The following SPRY3 variants were observed in gnomAD, a reference collection of about 807,000 sequenced individuals.
SPRY3 encodes sprouty RTK signaling antagonist 3.
A neutral mutation model predicts 20.2 loss-of-function variants in SPRY3; 15 were observed. That is an observed-to-expected ratio of 0.74 (90% CI 0.50 to 1.14). SPRY3 has a LOEUF of 1.14. Ranked by LOEUF, SPRY3 falls within the 50% of genes most tolerant of loss-of-function variation. The pLI, the probability that SPRY3 is intolerant of heterozygous loss-of-function variation, is 0.00. For synonymous variants in SPRY3, 143 were observed against 136.5 expected (o/e 1.05, Z -0.33); for missense variants, 364 against 363.9 (o/e 1.00, Z 0.00).
rs1167838667 is a variant in SPRY3, at chrX:155,691,620, G to A, written c.-282+34595G>A. Among the ~76,000 whole-genome samples, 3 of 87,867 alleles carry A rather than the reference G, an allele frequency of 3.4e-5. 1 individual carries two copies. The highest frequency in any genetic ancestry group is 1.6e-4 in the African/African-American group (3 of 18,346). The allele number at this position is 87,867 out of a possible 115,157, so 76.3% of individuals were successfully genotyped here. A position where few individuals can be genotyped will look rare whatever the true frequency, so the allele number is the denominator to read the frequency against. On this transcript the variant is annotated intron_variant, in intron 2 of 3. Coordinates refer to ENST00000675360, the Ensembl canonical transcript of SPRY3. ...AAAATTAAAAGAGTGCTGGCAGTGA[G>A]CTGCACTTTTTTTTCTAAATGGAAA... is the stretch of plus-strand genomic sequence containing the variant.
chrX:155,717,671 C>T (rs975908618), intron 2 of SPRY3, among the ~76,000 whole-genome samples: 2 of 151,794 alleles, frequency 1.3e-5, no homozygotes, highest in African/African-American at 4.8e-5. Flanking sequence ...GTTTTCTGTT[C>T]CTGTGTCAGT....
intron 2 of SPRY3, among the ~76,000 whole-genome samples, chrX:155,698,451 G>C (rs1296159867): frequency 9.0e-6 from 1 of 111,507 alleles, no homozygotes; most frequent in African/African-American, 3.3e-5. Context: ...TTCATCTTCA[G>C]GCTAACCCTG....
At position 155,673,678 on chromosome X, in the gene SPRY3, T is replaced by C. The variant is rs782052840; in HGVS notation, c.-282+16653T>C. On this transcript the variant is annotated intron_variant, in intron 2 of 3. Coordinates refer to ENST00000675360, the Ensembl canonical transcript of SPRY3. ...CTTGCTTGGGCACCTCCTTGGAATTTTTCTATTTAGTCTTTTGCTAGTCAA... is the reference window on the plus strand; with the variant it reads ...CTTGCTTGGGCACCTCCTTGGAATTCTTCTATTTAGTCTTTTGCTAGTCAA... Among the ~76,000 whole-genome samples, 33 of 112,369 alleles carry C rather than the reference T, an allele frequency of 2.9e-4. No individual in the cohort carries two copies. In the South Asian group the frequency reaches 0.011, roughly 38 times the overall value.
intron 1 of SPRY3, among the ~76,000 whole-genome samples, chrX:155,646,901 T>C (rs1323416146): frequency 8.9e-6 from 1 of 112,040 alleles, no homozygotes; most frequent in African/African-American, 3.2e-5. Flanking sequence ...AGTCTTTCAC[T>C]ATTAAGTATG....
chrX:155,721,500 T>G (rs2091057637), intron 2 of SPRY3, among the ~76,000 whole-genome samples: 1 of 152,056 alleles, frequency 6.6e-6, no homozygotes. Context: ...CCTCAATGCA[T>G]TTAATAATCA....
intron 1 of SPRY3, among the ~76,000 whole-genome samples, chrX:155,633,798 A>T (rs1442244117): frequency 8.9e-6 from 1 of 112,049 alleles, no homozygotes; most frequent in Non-Finnish European, 1.9e-5. Flanking sequence ...CAGAATCTTC[A>T]CATTTGCTCT....
intron 2 of SPRY3, among the ~76,000 whole-genome samples, chrX:155,668,266 A>G (rs954859199): frequency 5.4e-5 from 6 of 111,628 alleles, no homozygotes; most frequent in African/African-American, 1.6e-4. Context: ...AATAATATGA[A>G]TCAATCTCAA....
chrX:155,716,630 C>T (rs1315464803), intron 2 of SPRY3, among the ~76,000 whole-genome samples: 5 of 151,576 alleles, frequency 3.3e-5, no homozygotes, highest in Admixed American at 3.3e-4. Flanking sequence ...AATAATTTGC[C>T]TGGCCTTAAT....
At chrX:155,635,173 G>A (rs971863334) in intron 1 of SPRY3, among the ~76,000 whole-genome samples, 1 of 110,741 alleles carries the variant, frequency 9.0e-6, no homozygotes, top group Non-Finnish European at 1.9e-5. Flanking sequence ...TGCTGAGAAT[G>A]ATGGTTTCCA....
exon 4 of SPRY3, chrX:155,776,750 G>C (rs954582723): frequency 6.0e-6 from 1 of 167,030 alleles, no homozygotes; most frequent in African/African-American, 2.4e-5. Flanking sequence ...TAGTACACGG[G>C]GGGAAGAGGG....
chrX:155,677,231 C>T (rs186947044), intron 2 of SPRY3, among the ~76,000 whole-genome samples: 3 of 111,474 alleles, frequency 2.7e-5, no homozygotes, highest in East Asian at 5.7e-4. Flanking sequence ...GGAATAGTCT[C>T]ATTACTTGGA....
chrX:155,618,304 T>C (rs2067860571), intron 1 of SPRY3, among the ~76,000 whole-genome samples: 1 of 111,783 alleles, frequency 8.9e-6, no homozygotes, highest in African/African-American at 3.2e-5. Context: ...TGGCTTTTTT[T>C]CTACTCAGCT....
chrX:155,767,906 T>G (rs972013924), intron 2 of SPRY3, 56 bp from the exon 2 acceptor site: 2 of 148,598 alleles, frequency 1.3e-5, no homozygotes, highest in Admixed American at 6.8e-5. Flanking sequence ...CCCCCGTTTT[T>G]TTGTTTTGTT....
intron 3 of SPRY3, among the ~76,000 whole-genome samples, chrX:155,769,217 G>C (rs1396779501): frequency 6.6e-6 from 1 of 152,154 alleles, no homozygotes; most frequent in Non-Finnish European, 1.5e-5. Context: ...CTGTGAAACA[G>C]TCTAGATAGT....
chrX:155,735,676 C>T lies in SPRY3; in HGVS notation c.-281-32286C>T, dbSNP rs184146100. 4.0e-3 allele frequency among the ~76,000 whole-genome samples: 608 copies of T among 152,040 alleles called. 3 individuals carry two copies. The highest frequency in any genetic ancestry group is 0.036 in the Admixed American group (544 of 15,254). On this transcript the variant is annotated intron_variant, in intron 2 of 3. Coordinates refer to ENST00000675360, the Ensembl canonical transcript of SPRY3. Reference sequence around the variant, plus strand: ...CAGCATGGCATATATTTCTCTAACCCTTTACTTTTAATATATCTGGGTCTT... The same window carrying T: ...CAGCATGGCATATATTTCTCTAACCTTTTACTTTTAATATATCTGGGTCTT...
At chrX:155,751,933 TAAAATAAAATAAAATAA>T (rs1352898595) in intron 2 of SPRY3, among the ~76,000 whole-genome samples, 14 of 28,270 alleles carry the variant, frequency 5.0e-4, no homozygotes, top group African/African-American at 4.8e-3. Context: ...GGAAATAAAA[TAAAATAAAATAAAATAA>T]AATAAAATAA....
chrX:155,742,231 G>T (rs1001110320), intron 2 of SPRY3, among the ~76,000 whole-genome samples: 13 of 151,928 alleles, frequency 8.6e-5, no homozygotes, highest in Non-Finnish European at 1.9e-4. Flanking sequence ...GACCAACAAA[G>T]ATCAAAAAAG....
At position 155,616,100 on chromosome X, in the gene SPRY3, G is replaced by GTCTCTCTCCCTCTCTCTC. The variant is rs1557348835; in HGVS notation, c.-441+3461_-441+3462insCCTCTCTCTCTCTCTCTC. 6.8e-4 allele frequency among the ~76,000 whole-genome samples: 29 copies of GTCTCTCTCCCTCTCTCTC among 42,878 alleles called. 1 individual carries two copies. The highest frequency in any genetic ancestry group is 1.5e-3 in the African/African-American group (25 of 16,824). 37.2% of individuals were successfully genotyped at this position (42,878 alleles called of 115,157 possible). Reference sequence around the variant, plus strand: ...ATTTTTCCCTGCACATTTATCTGGGGTCTCTCTCTCTCTCTCTCTCTCTCT... The same window carrying GTCTCTCTCCCTCTCTCTC: ...ATTTTTCCCTGCACATTTATCTGGGGTCTCTCTCCCTCTCTCTCTCTCTCTCTCTCTCTCTCTCTCTCT... On this transcript the variant is annotated intron_variant, in intron 1 of 3. Transcript: ENST00000675360.
intron 2 of SPRY3, among the ~76,000 whole-genome samples, chrX:155,668,871 T>C (rs2068032265): frequency 9.0e-6 from 1 of 110,967 alleles, no homozygotes; most frequent in African/African-American, 3.3e-5. Flanking sequence ...CCCTGTTCCA[T>C]GATTTAGAAT....
Sources: allele counts gnomAD v4.1 joint callset (sites outside exome capture counted in the v4.1 genomes callset), GRCh38; gene constraint gnomAD v4.1.1; transcripts MANE v1.5; gene names NCBI Gene and HGNC (gene_info 2026-07-23, HGNC 2026-07-21).